Variants in GTF2I observed in about 807,000 individuals in gnomAD.
GTF2I encodes general transcription factor II-I.
GTF2I carries 12 observed loss-of-function variants against 67.6 expected under a neutral mutation model. That is an observed-to-expected ratio of 0.18 (90% CI 0.11 to 0.29). GTF2I has a LOEUF of 0.29. GTF2I is among the 10% of genes least tolerant of loss of function. The pLI is 1.00. For synonymous variants in GTF2I, 149 were observed against 197.0 expected (o/e 0.76, Z 2.04); for missense variants, 271 against 580.1 (o/e 0.47, Z 5.47).
chr7:74,698,957 A>G lies in GTF2I; in HGVS notation c.239-4A>G, dbSNP rs782679698. On this transcript the variant is annotated splice_polypyrimidine_tract_variant and splice_region_variant and intron_variant, in intron 3 of 34. Coordinates refer to ENST00000573035, the MANE Select transcript of GTF2I (RefSeq NM_032999.4). ...TTTTATTTTATTTTTTATTTTTTTTACAGGTGTTGAAGAAGAAGAAAAAGC... is the reference window on the plus strand; with the variant it reads ...TTTTATTTTATTTTTTATTTTTTTTGCAGGTGTTGAAGAAGAAGAAAAAGC... 5 of 1,277,862 alleles carry G rather than the reference A, an allele frequency of 3.9e-6. No homozygotes were observed. The East Asian group carries it at 1.1e-4, about 28-fold the overall frequency. 79.2% of individuals were successfully genotyped at this position (1,277,862 alleles called of 1,614,324 possible). A position where few individuals can be genotyped will look rare whatever the true frequency, so the allele number is the denominator to read the frequency against.
At chr7:74,683,827 G>A (rs782614199) in intron 1 of GTF2I, among the ~76,000 whole-genome samples, 14 of 151,952 alleles carry the variant, frequency 9.2e-5, no homozygotes, top group African/African-American at 2.9e-4. Context: ...CACTCCAGCC[G>A]GGGCAACAGA....
chr7:74,687,415 G>A (rs1265713187), intron 1 of GTF2I: 5 of 170,064 alleles, frequency 2.9e-5, no homozygotes, highest in African/African-American at 1.2e-4. Flanking sequence ...TAGAGACAGG[G>A]TTTCACCATG....
At chr7:74,659,549 C>T (rs1404290582) in intron 1 of GTF2I, among the ~76,000 whole-genome samples, 4 of 151,910 alleles carry the variant, frequency 2.6e-5, no homozygotes, top group Non-Finnish European at 2.9e-5. Context: ...CCACCACGCC[C>T]GGCTAATTTT....
chr7:74,681,883 A>G (rs951566959), intron 1 of GTF2I, among the ~76,000 whole-genome samples: 9 of 151,768 alleles, frequency 5.9e-5, no homozygotes, highest in African/African-American at 2.2e-4. Flanking sequence ...CTGCACTCCA[A>G]CCTGGGCGAT....
At chr7:74,704,373 A>G (rs1176114768) in intron 6 of GTF2I, among the ~76,000 whole-genome samples, 1 of 151,472 alleles carries the variant, frequency 6.6e-6, no homozygotes, top group Non-Finnish European at 1.5e-5. Flanking sequence ...TCACTACAAC[A>G]TCTGCCTCCC....
chr7:74,719,912 TC>T (rs1792723514), intron 12 of GTF2I, among the ~76,000 whole-genome samples: 1 of 151,952 alleles, frequency 6.6e-6, no homozygotes, highest in African/African-American at 2.4e-5. Flanking sequence ...AGAGTGAAAC[TC>T]CATCTCAAAA....
chr7:74,725,750 G>A (rs1345651575), intron 12 of GTF2I, among the ~76,000 whole-genome samples: 2 of 151,958 alleles, frequency 1.3e-5, no homozygotes, highest in Non-Finnish European at 2.9e-5. Context: ...TTATTTGTCA[G>A]TGAAGAGGAA....
At chr7:74,713,122 A>G (rs1330209617) in intron 9 of GTF2I, among the ~76,000 whole-genome samples, 1 of 152,208 alleles carries the variant, frequency 6.6e-6, no homozygotes, top group Non-Finnish European at 1.5e-5. Flanking sequence ...ATGGGACATT[A>G]AAATAATTTG....
Position 74,710,924 on chromosome 7 carries a change from A to T in GTF2I, c.686-108A>T, listed in dbSNP as rs1554402391. 3 of 573,686 alleles carry T rather than the reference A, an allele frequency of 5.2e-6. No individual in the cohort carries two copies. In the South Asian group the frequency reaches 6.9e-5, roughly 13 times the overall value. The allele number at this position is 573,686 out of a possible 1,614,324, so 35.5% of individuals were successfully genotyped here. ...TTTCAAAGACGTAAAGTCTTTACTT[A>T]AAATAAATATGCATTGCTGTATTTA... On this transcript the variant is annotated intron_variant, in intron 8 of 34. Coordinates refer to ENST00000573035, the MANE Select transcript of GTF2I (RefSeq NM_032999.4).
chr7:74,709,710 T>C (rs1035285345), intron 8 of GTF2I, among the ~76,000 whole-genome samples: 1 of 151,988 alleles, frequency 6.6e-6, no homozygotes, highest in African/African-American at 2.4e-5. Flanking sequence ...TCTTGCTGTG[T>C]CGCCCAGGCT....
At chr7:74,694,058 G>A (rs1788637810) in intron 3 of GTF2I, among the ~76,000 whole-genome samples, 1 of 152,206 alleles carries the variant, frequency 6.6e-6, no homozygotes, top group East Asian at 1.9e-4. Context: ...CGAAGGAAAT[G>A]AAAACTGCTG....
At chr7:74,664,398 G>C (rs1370428962) in intron 1 of GTF2I, among the ~76,000 whole-genome samples, 2 of 152,082 alleles carry the variant, frequency 1.3e-5, no homozygotes, top group African/African-American at 2.4e-5. Context: ...CAGAGTTGTT[G>C]GAGGATTGAC....
chr7:74,689,930 G>A (rs782270434), intron 2 of GTF2I, among the ~76,000 whole-genome samples: 4 of 151,048 alleles, frequency 2.6e-5, no homozygotes, highest in African/African-American at 7.3e-5. Context: ...TTGGTCACGC[G>A]GGTCTCGAAC....
chr7:74,722,474 C>T (rs1447163845), intron 12 of GTF2I, among the ~76,000 whole-genome samples: 2 of 152,040 alleles, frequency 1.3e-5, no homozygotes, highest in Admixed American at 6.6e-5. Flanking sequence ...TGCTAAGAAC[C>T]GTGTAAAGGA....
At position 74,706,339 on chromosome 7, in the gene GTF2I, G is replaced by A. The variant is rs1432336907; in HGVS notation, c.642-51G>A. 1.8e-5 allele frequency: 28 copies of A among 1,515,920 alleles called. No homozygotes were observed. In the East Asian group the frequency reaches 6.3e-4, roughly 34 times the overall value. The allele number at this position is 1,515,920 out of a possible 1,614,324, so 93.9% of individuals were successfully genotyped here. A position where few individuals can be genotyped will look rare whatever the true frequency, so the allele number is the denominator to read the frequency against. ...GACCCAGAGACTTTGAATGCTGTGG[G>A]AATGGCTGTCACCAGCACGTGGCTT... On this transcript the variant is annotated intron_variant, in intron 7 of 34. Coordinates refer to ENST00000573035, the MANE Select transcript of GTF2I (RefSeq NM_032999.4).
chr7:74,683,249 A>G (rs587606182), intron 1 of GTF2I, among the ~76,000 whole-genome samples: 13 of 152,372 alleles, frequency 8.5e-5, no homozygotes, highest in African/African-American at 2.9e-4. Context: ...AAACCTCTTA[A>G]AAACAGCAGG....
chr7:74,683,403 C>T (rs1787425919), intron 1 of GTF2I, among the ~76,000 whole-genome samples: 1 of 152,104 alleles, frequency 6.6e-6, no homozygotes, highest in African/African-American at 2.4e-5. Context: ...GTTTCTATTC[C>T]AGCGAAAATA....
rs587665933 is a variant in GTF2I at position 74,719,489 on chromosome 7, GT to G, written c.943+555del. On this transcript the variant is annotated intron_variant, in intron 12 of 34. Coordinates refer to ENST00000573035, the MANE Select transcript of GTF2I (RefSeq NM_032999.4). ...CTATAGCTAAGATTGCTTCAAACCT[GT>G]TTTTTTCTCCAAAGATAAGCTTGAA... 5.1e-3 allele frequency among the ~76,000 whole-genome samples: 781 copies of G among 152,230 alleles called. 24 individuals are homozygous for G. Among genetic ancestry groups the G allele is most frequent in the Admixed American group, 0.045 (689 of 15,292 alleles).
intron 3 of GTF2I, among the ~76,000 whole-genome samples, chr7:74,698,595 A>G (rs1459519618): frequency 5.9e-5 from 9 of 151,646 alleles, no homozygotes; most frequent in Non-Finnish European, 4.4e-5. Flanking sequence ...ATTTTTTTGC[A>G]GAGATGTGTC....
Sources: allele counts gnomAD v4.1 joint callset (sites outside exome capture counted in the v4.1 genomes callset), GRCh38; gene constraint gnomAD v4.1.1; transcripts MANE v1.5; gene names NCBI Gene and HGNC (gene_info 2026-07-23, HGNC 2026-07-21).